The following IL17RB variants were observed in gnomAD, a reference collection of about 807,000 sequenced individuals.
The protein encoded by IL17RB is interleukin-17 receptor B.
In IL17RB, 36 loss-of-function variants were observed where a neutral mutation model predicts 43.9. That is an observed-to-expected ratio of 0.82 (90% CI 0.63 to 1.08). The LOEUF (loss-of-function observed/expected upper bound fraction) is 1.08, where lower values mean the gene tolerates loss of function less well. Ranked by LOEUF, IL17RB falls within the 50% of genes least tolerant of loss-of-function variation. IL17RB has a pLI of 0.00. For synonymous variants in IL17RB, 225 were observed against 225.4 expected (o/e 1.00, Z 0.02); for missense variants, 613 against 613.6 (o/e 1.00, Z 0.01).
chr3:53,852,226 C>A, intron 4 of IL17RB, 100 bp downstream of exon 4: 1 of 1,080,352 alleles, frequency 9.3e-7, no homozygotes, highest in East Asian at 2.6e-5. Context: ...ACTGCGACCT[C>A]AATCTTCTGG....
At chr3:53,852,277 G>A in intron 4 of IL17RB, 151 bp downstream of exon 4, 1 of 728,416 alleles carries the variant, frequency 1.4e-6, no homozygotes, top group Admixed American at 2.5e-5. Flanking sequence ...AAGCAGCTGG[G>A]ACTACAGGCA....
At chr3:53,860,532 T>C (rs1274125845) in intron 10 of IL17RB, 1 of 234,876 alleles carries the variant, frequency 4.3e-6, no homozygotes, top group Non-Finnish European at 8.3e-6. Context: ...ACTTTACCTG[T>C]GATGGTTACT....
At chr3:53,846,694 C>T in intron 1 of IL17RB, 46 bp downstream of exon 1, 1 of 1,534,854 alleles carries the variant, frequency 6.5e-7, no homozygotes. Flanking sequence ...GGCCCTCGAG[C>T]CCAGATCCTG....
At chr3:53,863,394 C>A (rs1699640137) in intron 10 of IL17RB, among the ~76,000 whole-genome samples, 1 of 150,228 alleles carries the variant, frequency 6.7e-6, no homozygotes, top group Non-Finnish European at 1.5e-5. Context: ...CAAGGCAGAG[C>A]TATTAAAAAA....
chr3:53,862,956 C>T (rs2107030138), intron 10 of IL17RB, among the ~76,000 whole-genome samples: 1 of 152,288 alleles, frequency 6.6e-6, no homozygotes, highest in East Asian at 1.9e-4. Context: ...CTCTGCCACC[C>T]CTAAGTCAGC....
In IL17RB at chr3:53,865,205, T is replaced by G. The variant is rs1699742875; in HGVS notation, c.1406T>G (p.Met469Arg). Reference protein sequence around the residue: ...ALSVCPKYHLMKDATAFCAEL... With the variant: ...ALSVCPKYHLRKDATAFCAEL... Reference sequence around the variant, plus strand: ...AGTGTCTGCCCCAAGTACCACCTCATGAAGGATGCCACTGCTTTCTGTGCA... The same window carrying G: ...AGTGTCTGCCCCAAGTACCACCTCAGGAAGGATGCCACTGCTTTCTGTGCA... The change falls in exon 11 of 11, where the codon ATG becomes AGG. Residue 469 changes from methionine (M) to arginine (R), a missense_variant. By Grantham distance (91) the Met-to-Arg change is moderately conservative. Coordinates refer to ENST00000288167, the MANE Select transcript of IL17RB (RefSeq NM_018725.4). The G allele has an allele frequency of 6.2e-7, 1 of 1,613,964 alleles. No homozygotes were observed. The highest frequency in any genetic ancestry group is 1.3e-5 in the African/African-American group (1 of 74,924).
At chr3:53,864,596 C>T (rs1283363817) in intron 10 of IL17RB, 150 bp from the exon 11 acceptor site, 2 of 656,226 alleles carry the variant, frequency 3.0e-6, no homozygotes, top group African/African-American at 3.6e-5. Context: ...TCAAAAGGAA[C>T]ATCAGGATGT....
chr3:53,854,253 T>C (rs1699257418), intron 5 of IL17RB, among the ~76,000 whole-genome samples: 1 of 152,214 alleles, frequency 6.6e-6, no homozygotes, highest in South Asian at 2.1e-4. Flanking sequence ...ACAGTTTCCA[T>C]ATACCTCTCA....
chr3:53,852,856 T>C lies in IL17RB; in HGVS notation c.355-15T>C. The C allele has an allele frequency of 6.2e-7, 1 of 1,613,082 alleles. No homozygotes were observed. The highest frequency in any genetic ancestry group is 8.5e-7 in the Non-Finnish European group (1 of 1,179,118). On this transcript the variant is annotated splice_polypyrimidine_tract_variant and intron_variant, in intron 4 of 10. Transcript: ENST00000288167. ...AGTGTTTTGGGAATTGAGAGTTCCTTGCTTTGCCTTTCAGTGGACATTTTC... is the reference window on the plus strand; with the variant it reads ...AGTGTTTTGGGAATTGAGAGTTCCTCGCTTTGCCTTTCAGTGGACATTTTC...
intron 10 of IL17RB, among the ~76,000 whole-genome samples, chr3:53,864,248 G>C (rs1175100029): frequency 3.3e-5 from 5 of 152,206 alleles, no homozygotes; most frequent in African/African-American, 9.6e-5. Context: ...AAAAAGTTAA[G>C]GTTTAAGGCA....
chr3:53,861,416 CAAAAAAGA>C (rs1699560509), intron 10 of IL17RB: 1 of 151,666 alleles, frequency 6.6e-6, no homozygotes, highest in Admixed American at 6.6e-5. Context: ...GGACCATAGT[CAAAAAAGA>C]AAAAAATTCA....
At position 53,864,900 on chromosome 3, in the gene IL17RB, G is replaced by C. The variant is rs1699724810; in HGVS notation, c.1101G>C (p.Lys367Asn). 1 of 1,614,190 alleles carries C rather than the reference G, an allele frequency of 6.2e-7. No individual in the cohort carries two copies. Among genetic ancestry groups the C allele is most frequent in the African/African-American group, 1.3e-5 (1 of 75,052 alleles). ...NHCRSEVILE[K>N]WQKKKIAEMG... is the part of the protein sequence containing the mutation. ...GCAGAAGTGAGGTCATCCTTGAAAAGTGGCAGAAAAAGAAAATAGCAGAGA... is the reference window on the plus strand; with the variant it reads ...GCAGAAGTGAGGTCATCCTTGAAAACTGGCAGAAAAAGAAAATAGCAGAGA... The change falls in exon 11 of 11, where the codon AAG (lysine) becomes AAC (asparagine). Residue 367 changes from lysine to asparagine, a missense_variant. Transcript: ENST00000288167.
chr3:53,848,399 G>A (rs748559705), intron 1 of IL17RB, among the ~76,000 whole-genome samples: 7 of 152,218 alleles, frequency 4.6e-5, no homozygotes, highest in South Asian at 2.1e-4. Flanking sequence ...AGAGACAGAT[G>A]GAGACCCACC....
intron 3 of IL17RB, 56 bp from the exon 4 acceptor site, chr3:53,851,943 A>G: frequency 6.2e-7 from 1 of 1,602,658 alleles, no homozygotes; most frequent in Admixed American, 1.7e-5. Context: ...TCTAGCATCA[A>G]GTCAGCCACA....
intron 5 of IL17RB, among the ~76,000 whole-genome samples, chr3:53,853,523 T>C (rs1207198296): frequency 6.6e-6 from 1 of 152,192 alleles, no homozygotes; most frequent in African/African-American, 2.4e-5. Context: ...AAGCTGTCCA[T>C]GAGAGGCAGG....
At chr3:53,852,765 C>CACAGAGTGAGTAATGAAATACAAACTA in intron 4 of IL17RB, 106 bp from the exon 5 acceptor site, 1 of 1,088,252 alleles carries the variant, frequency 9.2e-7, no homozygotes, top group Non-Finnish European at 1.3e-6. Flanking sequence ...CCTAAGTTTT[C>CACAGAGTGAGTAATGAAATACAAACTA]ACAGAGTGAG....
At chr3:53,851,005 G>T (rs945614407) in intron 3 of IL17RB, among the ~76,000 whole-genome samples, 1 of 152,138 alleles carries the variant, frequency 6.6e-6, no homozygotes, top group Non-Finnish European at 1.5e-5. Flanking sequence ...AAGGTAAGGC[G>T]AGAGATGATT....
chr3:53,847,495 A>G (rs1378066449), intron 1 of IL17RB, among the ~76,000 whole-genome samples: 1 of 151,980 alleles, frequency 6.6e-6, no homozygotes, highest in Non-Finnish European at 1.5e-5. Context: ...TAAAAAAAAA[A>G]AAAAAAAGTC....
chr3:53,859,435 G>A (rs1324197062), intron 9 of IL17RB: 1 of 152,372 alleles, frequency 6.6e-6, no homozygotes, highest in Non-Finnish European at 1.5e-5. Flanking sequence ...AGACAACCCA[G>A]GTGACTGGCA....
Sources: allele counts gnomAD v4.1 joint callset (sites outside exome capture counted in the v4.1 genomes callset), GRCh38; gene constraint gnomAD v4.1.1; transcripts MANE v1.5; gene names NCBI Gene and HGNC (gene_info 2026-07-23, HGNC 2026-07-21).